APBB1: variants seen among roughly 807,000 people sequenced by gnomAD.
APBB1 encodes the protein adaptor protein FE65a2.
Under a neutral mutation model 78.4 loss-of-function variants are expected in APBB1, and 22 were observed. The observed-to-expected ratio is 0.28, with a 90% CI of 0.20 to 0.40. APBB1 has a LOEUF of 0.40. APBB1 is among the 10% of genes least tolerant of loss of function. APBB1 has a pLI of 1.00. For missense variants in APBB1, 749 were observed against 932.4 expected (o/e 0.80, Z 2.56); for synonymous variants, 369 against 372.7 (o/e 0.99, Z 0.12).
chr11:6,401,806 G>C lies in APBB1; in HGVS notation c.1389-118C>G. On this transcript the variant is annotated intron_variant, in intron 9 of 14. Coordinates refer to ENST00000609360, the MANE Select transcript of APBB1 (RefSeq NM_001164.5). This position sits in a 1 kb window ranked among gnomAD's most constrained non-coding sequence, Gnocchi z 4.5. Reference sequence around the variant, plus strand: ...TCCTCCAGGGCTTCTGCCCACAGCTGGTCCCCCATAGGTGCTGCCTTCTTG... The same window carrying C: ...TCCTCCAGGGCTTCTGCCCACAGCTCGTCCCCCATAGGTGCTGCCTTCTTG... The C allele has an allele frequency of 6.9e-7, 1 of 1,439,474 alleles. No individual in the cohort carries two copies. Among genetic ancestry groups the C allele is most frequent in the Non-Finnish European group, 9.7e-7 (1 of 1,034,408 alleles). The allele number at this position is 1,439,474 out of a possible 1,614,324, so 89.2% of individuals were successfully genotyped here. A position where few individuals can be genotyped will look rare whatever the true frequency, so the allele number is the denominator to read the frequency against.
chr11:6,408,384 G>C (rs1848872651), intron 2 of APBB1, among the ~76,000 whole-genome samples: 2 of 152,198 alleles, frequency 1.3e-5, no homozygotes, highest in Admixed American at 6.5e-5. Flanking sequence ...GCCAGACATG[G>C]TTGCTCACAC....
rs116398443 is a variant in APBB1, at chr11:6,408,195, G to A, written c.721+2432C>T. On this transcript the variant is annotated intron_variant, in intron 2 of 14. Coordinates refer to ENST00000609360, the MANE Select transcript of APBB1 (RefSeq NM_001164.5). ...TAACTACCAATTTACAGGAAATCCA[G>A]GGGAAGAGGAGCATGGTAAATATGA... is the stretch of plus-strand genomic sequence containing the variant. Among the ~76,000 whole-genome samples, 289 of 152,366 alleles carry A rather than the reference G, an allele frequency of 1.9e-3. 1 individual carries two copies. Among genetic ancestry groups the A allele is most frequent in the African/African-American group, 6.3e-3 (263 of 41,590 alleles).
chr11:6,408,755 C>T (rs149889126), intron 2 of APBB1, among the ~76,000 whole-genome samples: 6,231 of 152,196 alleles, frequency 0.041, 438 homozygotes, highest in African/African-American at 0.14. Flanking sequence ...CCACCTGCCT[C>T]GGCCTCCCAA....
chr11:6,417,212 A>G (rs1849142121), intron 1 of APBB1, among the ~76,000 whole-genome samples: 1 of 152,114 alleles, frequency 6.6e-6, no homozygotes, highest in African/African-American at 2.4e-5. Flanking sequence ...TGTGATTTCC[A>G]TGCTTCCTGG....
intron 1 of APBB1, among the ~76,000 whole-genome samples, chr11:6,418,635 G>C (rs1849178490): frequency 6.6e-6 from 1 of 152,194 alleles, no homozygotes; most frequent in Non-Finnish European, 1.5e-5. Context: ...TGCTGGAATC[G>C]GCGCGGCCTG....
intron 7 of APBB1, 112 bp downstream of exon 7, chr11:6,402,464 G>A: frequency 7.8e-7 from 1 of 1,285,726 alleles, no homozygotes; most frequent in South Asian, 1.4e-5. Context: ...ACTTAGGATG[G>A]GCCAATATCC....
At chr11:6,399,176 T>G (rs931630580) in intron 12 of APBB1, among the ~76,000 whole-genome samples, 1 of 152,142 alleles carries the variant, frequency 6.6e-6, no homozygotes, top group Admixed American at 6.5e-5. Flanking sequence ...ATGCCCACTT[T>G]CCAGGGCCAA....
rs769451274 is a variant in APBB1, at chr11:6,401,042, A to T, written c.1619T>A (p.Val540Asp). The T allele has an allele frequency of 6.2e-7, 1 of 1,614,126 alleles. No homozygotes were observed. The highest frequency in any genetic ancestry group is 1.7e-5 in the Admixed American group (1 of 60,024). Residue 540 changes from valine to aspartate, a missense_variant, in exon 12 of 15, where the codon GTC becomes GAC. By Grantham distance (152) the Val-to-Asp change is radical. Around this residue, in one of 3 missense-constraint regions of APBB1, gnomAD observed 635 missense variants for 765.0 expected, o/e 0.83. Transcript: ENST00000609360. The surrounding 1 kb of genome is among the most constrained non-coding windows in gnomAD (Gnocchi z 4.5). ...CAGGTAATAGACTTGGAACTTCTGG[A>T]CCAACTCATTCTTAGGCGCTGGGAA... Reference protein sequence around the residue: ...VEFPAPKNELVQKFQVYYLGN... With the variant: ...VEFPAPKNELDQKFQVYYLGN...
chr11:6,402,020 T>TA (rs745803702), intron 8 of APBB1, 38 bp from the exon 9 acceptor site: 1 of 1,601,324 alleles, frequency 6.2e-7, no homozygotes, highest in Non-Finnish European at 8.5e-7. Context: ...ATAACAGAGT[T>TA]AGAGAGGAGG....
chr11:6,415,483 T>C (rs567831324), intron 1 of APBB1, among the ~76,000 whole-genome samples: 14 of 152,328 alleles, frequency 9.2e-5, no homozygotes, highest in African/African-American at 3.1e-4. Flanking sequence ...CACCAACATC[T>C]AGAACAGTGC....
chr11:6,413,103 C>A (rs1849020590), intron 1 of APBB1, among the ~76,000 whole-genome samples: 1 of 152,060 alleles, frequency 6.6e-6, no homozygotes, highest in Admixed American at 6.5e-5. Context: ...AGTGCTCTCT[C>A]CCTGGACCCT....
Position 6,395,546 on chromosome 11 carries a change from G to A in APBB1, c.2121C>T (p.Ala707=), listed in dbSNP as rs1288651433. Residue 707 remains alanine, a synonymous_variant, in exon 15 of 15, where the codon GCC becomes GCT. Coordinates refer to ENST00000609360, the MANE Select transcript of APBB1 (RefSeq NM_001164.5). The surrounding 1 kb of genome is among the most constrained non-coding windows in gnomAD (Gnocchi z 5.2). ...GGTGGGGGCTTCTTCATGGGGTATG[G>A]GCCCCCAGCCGTTTGGGCTTCAGGG... ...WGSLKPKRLG[A]HTP The A allele has an allele frequency of 1.3e-6, 2 of 1,563,740 alleles. No individual in the cohort carries two copies. The highest frequency in any genetic ancestry group is 1.4e-5 in the African/African-American group (1 of 73,218).
intron 6 of APBB1, 196 bp from the exon 7 acceptor site, chr11:6,402,921 G>C: frequency 1.2e-6 from 1 of 804,812 alleles, no homozygotes; most frequent in Non-Finnish European, 1.9e-6. Flanking sequence ...GTACAAAAAA[G>C]CACCTGAACT....
At position 6,395,301 on chromosome 11, in the gene APBB1, A is replaced by G. The variant is rs939915609; in HGVS notation, c.*233T>C. 2.4e-6 allele frequency: 1 copy of G among 420,530 alleles called. No homozygotes were observed. Among genetic ancestry groups the G allele is most frequent in the Non-Finnish European group, 4.2e-6 (1 of 239,678 alleles). The allele number at this position is 420,530 out of a possible 1,614,324, so 26.0% of individuals were successfully genotyped here. A position where few individuals can be genotyped will look rare whatever the true frequency, so the allele number is the denominator to read the frequency against. Reference sequence around the variant, plus strand: ...CCACCTGAAACACATGGGGATGGAGAACCAGGGCTGGCCTTGCTTCCTGCT... The same window carrying G: ...CCACCTGAAACACATGGGGATGGAGGACCAGGGCTGGCCTTGCTTCCTGCT... On this transcript the variant is annotated 3_prime_UTR_variant, in exon 15 of 15. Coordinates refer to ENST00000609360, the MANE Select transcript of APBB1 (RefSeq NM_001164.5). This position sits in a 1 kb window ranked among gnomAD's most constrained non-coding sequence, Gnocchi z 5.2.
At chr11:6,400,692 A>G (rs1054291948) in intron 12 of APBB1, among the ~76,000 whole-genome samples, 1 of 152,172 alleles carries the variant, frequency 6.6e-6, no homozygotes, top group Non-Finnish European at 1.5e-5. Context: ...GTCATCTAAC[A>G]TCAGCCTCCC....
intron 2 of APBB1, among the ~76,000 whole-genome samples, chr11:6,410,223 G>A (rs12786023): frequency 6.6e-6 from 1 of 152,202 alleles, no homozygotes. Flanking sequence ...TGTAATCTCA[G>A]CCTGTCTGTG....
At chr11:6,397,991 A>G (rs1314082880) in intron 12 of APBB1, among the ~76,000 whole-genome samples, 1 of 152,200 alleles carries the variant, frequency 6.6e-6, no homozygotes, top group East Asian at 1.9e-4. Flanking sequence ...GAAATCTCAA[A>G]GTTCAGGTGT....
chr11:6,410,665 G>C lies in APBB1; in HGVS notation c.683C>G (p.Ser228Cys), dbSNP rs764930193. 2.0e-6 allele frequency: 3 copies of C among 1,519,094 alleles called. No individual in the cohort carries two copies. Among genetic ancestry groups the C allele is most frequent in the East Asian group, 2.3e-5 (1 of 44,000 alleles). The allele number at this position is 1,519,094 out of a possible 1,614,324, so 94.1% of individuals were successfully genotyped here. A position where few individuals can be genotyped will look rare whatever the true frequency, so the allele number is the denominator to read the frequency against. Residue 228 changes from serine to cysteine, a missense_variant, in exon 2 of 15, where the codon TCC (serine) becomes TGC (cysteine). By Grantham distance (112) the Ser-to-Cys change is moderately radical (BLOSUM62 -1). Around this residue, in one of 3 missense-constraint regions of APBB1, gnomAD observed 635 missense variants for 765.0 expected, o/e 0.83. Coordinates refer to ENST00000609360, the MANE Select transcript of APBB1 (RefSeq NM_001164.5). ...GGAGCCATAGGAGGGGCTGCCCTGG[G>C]ATAAGGTAGCCCAGCTTGAGTCCTC... ...SDEDSSWATL[S>C]QGSPSYGSPE...
chr11:6,413,991 A>G (rs527405626), intron 1 of APBB1, among the ~76,000 whole-genome samples: 58 of 152,218 alleles, frequency 3.8e-4, no homozygotes, highest in African/African-American at 1.3e-3. Flanking sequence ...TAATCTTCCA[A>G]AAATGGAAAC....
Sources: allele counts gnomAD v4.1 joint callset (sites outside exome capture counted in the v4.1 genomes callset), GRCh38; gene constraint gnomAD v4.1.1; regional missense constraint gnomAD v4.1.1; non-coding constraint Gnocchi (gnomAD v3.1); transcripts MANE v1.5; gene names NCBI Gene and HGNC (gene_info 2026-07-23, HGNC 2026-07-21).